The following WWOX variants were observed in gnomAD, a reference collection of about 807,000 sequenced individuals.
WWOX encodes the protein WW domain-containing oxidoreductase.
A neutral mutation model predicts 46.2 loss-of-function variants in WWOX; 69 were observed. That is an observed-to-expected ratio of 1.49 (90% CI 1.23 to 1.82). WWOX has a LOEUF of 1.82. Ranked by LOEUF, WWOX falls within the 40% of genes most tolerant of loss-of-function variation. The pLI, the probability that WWOX is intolerant of heterozygous loss-of-function variation, is 0.00. For missense variants in WWOX, 919 were observed against 542.6 expected (o/e 1.69, Z -6.89); for synonymous variants, 359 against 202.6 (o/e 1.77, Z -6.56).
At chr16:78,560,328 T>A (rs1467028116) in intron 8 of WWOX, among the ~76,000 whole-genome samples, 1 of 152,180 alleles carries the variant, frequency 6.6e-6, no homozygotes, top group South Asian at 2.1e-4. Flanking sequence ...CTGGTTAGAA[T>A]AGAATATTAT....
chr16:78,849,950 T>C (rs2052400220), intron 8 of WWOX, among the ~76,000 whole-genome samples: 1 of 152,112 alleles, frequency 6.6e-6, no homozygotes, highest in African/African-American at 2.4e-5. Context: ...CACAGGCCTG[T>C]AATCCCAGCT....
intron 8 of WWOX, among the ~76,000 whole-genome samples, chr16:78,489,534 C>G (rs934878848): frequency 2.0e-5 from 3 of 152,086 alleles, no homozygotes; most frequent in African/African-American, 4.8e-5. Context: ...CCCTTAGCAG[C>G]TTTCAAATAT....
intron 5 of WWOX, among the ~76,000 whole-genome samples, chr16:78,329,705 A>G (rs1297023908): frequency 6.6e-6 from 1 of 151,438 alleles, no homozygotes; most frequent in Non-Finnish European, 1.5e-5. Context: ...ATACATGGGG[A>G]GGTCTGTTTT....
rs557523407 is a variant in WWOX at position 78,199,489 on chromosome 16, C to G, written c.516+35200C>G. ...ATCTTTCCCTGTGTTGTATTTCCTG[C>G]TCTGCGGATCCGGCATCATGACCTT... On this transcript the variant is annotated intron_variant, in intron 5 of 8. Transcript: ENST00000566780. Among the ~76,000 whole-genome samples the G allele has an allele frequency of 2.6e-4, 39 of 152,296 alleles. No individual in the cohort carries two copies. The South Asian group carries it at 7.7e-3, about 30-fold the overall frequency.
intron 8 of WWOX, among the ~76,000 whole-genome samples, chr16:78,944,349 C>G (rs562424548): frequency 1.3e-5 from 2 of 152,256 alleles, no homozygotes; most frequent in South Asian, 4.1e-4. Flanking sequence ...CTGTGAACTC[C>G]TTGAAGATAG....
intron 8 of WWOX, among the ~76,000 whole-genome samples, chr16:79,084,058 C>CGTG (rs2048810805): frequency 6.6e-6 from 1 of 152,134 alleles, no homozygotes; most frequent in African/African-American, 2.4e-5. Flanking sequence ...ACCAGACCAT[C>CGTG]GTGAACTTCT....
intron 8 of WWOX, among the ~76,000 whole-genome samples, chr16:78,760,639 C>T (rs573705388): frequency 6.6e-6 from 1 of 152,268 alleles, no homozygotes; most frequent in Non-Finnish European, 1.5e-5. Flanking sequence ...CTTTGGAGCT[C>T]ACAGCCAAGT....
At chr16:79,004,086 T>C (rs1426539652) in intron 8 of WWOX, 1 of 152,230 alleles carries the variant, frequency 6.6e-6, no homozygotes, top group Non-Finnish European at 1.5e-5. Context: ...CTGCATACTG[T>C]AGACCATCAT....
intron 8 of WWOX, among the ~76,000 whole-genome samples, chr16:78,446,039 T>C (rs769439046): frequency 6.6e-6 from 1 of 152,222 alleles, no homozygotes; most frequent in African/African-American, 2.4e-5. Context: ...ACTGGGCTTA[T>C]TTTGCTTCTT....
At chr16:78,560,733 G>T (rs930611460) in intron 8 of WWOX, among the ~76,000 whole-genome samples, 1 of 152,106 alleles carries the variant, frequency 6.6e-6, no homozygotes, top group Non-Finnish European at 1.5e-5. Context: ...TTAAAAAAAA[G>T]CAGCTATGGT....
At chr16:79,026,942 C>G (rs2047657089) in intron 8 of WWOX, among the ~76,000 whole-genome samples, 1 of 151,304 alleles carries the variant, frequency 6.6e-6, no homozygotes, top group Non-Finnish European at 1.5e-5. Flanking sequence ...ACGTGGTAGA[C>G]TCTTAATGAA....
intron 8 of WWOX, among the ~76,000 whole-genome samples, chr16:78,561,356 G>A (rs958976567): frequency 6.6e-6 from 1 of 152,090 alleles, no homozygotes. Flanking sequence ...GAATCTCTCT[G>A]ACTTTCCTTG....
intron 4 of WWOX, among the ~76,000 whole-genome samples, chr16:78,138,029 C>G (rs1436551088): frequency 6.6e-6 from 1 of 150,662 alleles, no homozygotes; most frequent in African/African-American, 2.5e-5. Context: ...GAGAATTCTT[C>G]TGATCAGCTT....
intron 8 of WWOX, among the ~76,000 whole-genome samples, chr16:79,207,092 G>A (rs1210546407): frequency 6.6e-6 from 1 of 152,130 alleles, no homozygotes; most frequent in Non-Finnish European, 1.5e-5. Flanking sequence ...TGGGAGACAG[G>A]GAAAGACAGG....
At chr16:78,975,125 A>G (rs2046545576) in intron 8 of WWOX, among the ~76,000 whole-genome samples, 1 of 152,214 alleles carries the variant, frequency 6.6e-6, no homozygotes, top group Non-Finnish European at 1.5e-5. Context: ...TGCCACCAAT[A>G]AAAGATACTC....
At chr16:78,919,131 G>A (rs187771176) in intron 8 of WWOX, among the ~76,000 whole-genome samples, 30 of 152,134 alleles carry the variant, frequency 2.0e-4, no homozygotes, top group Non-Finnish European at 3.1e-4. Flanking sequence ...AACAACACAC[G>A]GAACAATGAC....
intron 8 of WWOX, among the ~76,000 whole-genome samples, chr16:78,965,022 C>T (rs576804578): frequency 1.3e-5 from 2 of 152,306 alleles, no homozygotes; most frequent in South Asian, 4.1e-4. Context: ...ATGGAAACAC[C>T]TGGATGCCCC....
intron 5 of WWOX, among the ~76,000 whole-genome samples, chr16:78,370,559 T>G (rs750513850): frequency 1.3e-5 from 2 of 152,294 alleles, no homozygotes; most frequent in East Asian, 3.9e-4. Context: ...GTTCTTAAAG[T>G]ATGCCTGTAA....
At chr16:78,223,201 A>G (rs1443295255) in intron 5 of WWOX, among the ~76,000 whole-genome samples, 1 of 152,154 alleles carries the variant, frequency 6.6e-6, no homozygotes, top group African/African-American at 2.4e-5. Context: ...CTGCCCATCA[A>G]GGGACACTTG....
Sources: allele counts gnomAD v4.1 joint callset (sites outside exome capture counted in the v4.1 genomes callset), GRCh38; gene constraint gnomAD v4.1.1; transcripts MANE v1.5; gene names NCBI Gene and HGNC (gene_info 2026-07-23, HGNC 2026-07-21).